NCKAP5: variants seen among roughly 807,000 people sequenced by gnomAD.
NCKAP5 encodes nck-associated protein 5.
Under a neutral mutation model 167.0 loss-of-function variants are expected in NCKAP5, and 92 were observed. The ratio of observed to expected loss-of-function variants is 0.55; its 90% CI spans 0.47 to 0.66. The LOEUF (loss-of-function observed/expected upper bound fraction) is 0.66, where lower values mean the gene tolerates loss of function less well. Ranked by LOEUF, NCKAP5 falls within the 30% of genes least tolerant of loss-of-function variation. The pLI, the probability that NCKAP5 is intolerant of heterozygous loss-of-function variation, is 0.00. For synonymous variants in NCKAP5, 891 were observed against 877.4 expected (o/e 1.02, Z -0.27); for missense variants, 2,378 against 2,315.0 (o/e 1.03, Z -0.56).
At chr2:132,947,809 G>A (rs1024298171) in intron 8 of NCKAP5, among the ~76,000 whole-genome samples, 1 of 152,150 alleles carries the variant, frequency 6.6e-6, no homozygotes, top group African/African-American at 2.4e-5. Context: ...TTTCACGATA[G>A]AGCATTCCTT....
At chr2:133,352,008 C>T (rs549679743) in intron 3 of NCKAP5, among the ~76,000 whole-genome samples, 1 of 152,202 alleles carries the variant, frequency 6.6e-6, no homozygotes, top group African/African-American at 2.4e-5. Context: ...CAAGGTTTTC[C>T]ATTTTCTATG....
At chr2:132,826,457 T>C (rs1687130768) in intron 11 of NCKAP5, among the ~76,000 whole-genome samples, 1 of 152,184 alleles carries the variant, frequency 6.6e-6, no homozygotes, top group Non-Finnish European at 1.5e-5. Context: ...CATTATTTAA[T>C]TCCCCAGTAT....
intron 3 of NCKAP5, among the ~76,000 whole-genome samples, chr2:133,444,194 G>T (rs1415466970): frequency 6.6e-6 from 1 of 152,144 alleles, no homozygotes; most frequent in Non-Finnish European, 1.5e-5. Context: ...AAGCCCAAAA[G>T]AAGGAAGGAC....
At chr2:133,321,242 C>T (rs928059044) in intron 3 of NCKAP5, among the ~76,000 whole-genome samples, 2 of 152,178 alleles carry the variant, frequency 1.3e-5, no homozygotes, top group African/African-American at 4.8e-5. Flanking sequence ...CCCATCCCAC[C>T]CTCACCCAAT....
intron 8 of NCKAP5, among the ~76,000 whole-genome samples, chr2:132,909,292 A>C (rs558120696): frequency 6.6e-6 from 1 of 152,162 alleles, no homozygotes; most frequent in South Asian, 2.1e-4. Context: ...GTTGCTGTGA[A>C]CTGAGATGGC....
chr2:133,080,664 C>G (rs1559119354), intron 6 of NCKAP5, among the ~76,000 whole-genome samples: 2 of 152,256 alleles, frequency 1.3e-5, no homozygotes, highest in South Asian at 2.1e-4. Context: ...GAAACTAACA[C>G]TACACCATAA....
At chr2:133,242,849 A>T (rs1212496387) in intron 4 of NCKAP5, among the ~76,000 whole-genome samples, 1 of 152,204 alleles carries the variant, frequency 6.6e-6, no homozygotes, top group East Asian at 1.9e-4. Flanking sequence ...GTTTTTTTAT[A>T]GTAGGCCTAC....
chr2:132,776,886 T>C (rs745857795), intron 15 of NCKAP5, among the ~76,000 whole-genome samples: 29 of 152,106 alleles, frequency 1.9e-4, no homozygotes, highest in Non-Finnish European at 1.0e-4. Flanking sequence ...GTCAAGCATT[T>C]GCCAAAAATA....
At chr2:132,925,891 A>G (rs1203153281) in intron 8 of NCKAP5, among the ~76,000 whole-genome samples, 1 of 152,206 alleles carries the variant, frequency 6.6e-6, no homozygotes, top group East Asian at 1.9e-4. Context: ...AATCTTTTCT[A>G]AAAAATTTTA....
intron 10 of NCKAP5, among the ~76,000 whole-genome samples, chr2:132,866,518 G>C (rs1690369036): frequency 6.6e-6 from 1 of 152,080 alleles, no homozygotes; most frequent in Non-Finnish European, 1.5e-5. Flanking sequence ...TAAATTACTT[G>C]ACGAGGTACA....
At chr2:133,468,003 T>C (rs1692733375) in intron 3 of NCKAP5, among the ~76,000 whole-genome samples, 1 of 113,018 alleles carries the variant, frequency 8.8e-6, no homozygotes, top group Non-Finnish European at 1.8e-5. Flanking sequence ...TTTGTGTCTC[T>C]ATTTCCTTCA....
At chr2:133,548,511 C>A (rs1419720258) in intron 2 of NCKAP5, among the ~76,000 whole-genome samples, 21 of 151,706 alleles carry the variant, frequency 1.4e-4, no homozygotes, top group Admixed American at 1.3e-4. Context: ...GGAAGCCCAT[C>A]AGACTAACAG....
At chr2:133,044,344 A>C (rs532467246) in intron 6 of NCKAP5, among the ~76,000 whole-genome samples, 4 of 152,298 alleles carry the variant, frequency 2.6e-5, no homozygotes, top group African/African-American at 9.6e-5. Context: ...CAATGCATAT[A>C]ACCAAAAAAG....
chr2:132,720,948 T>C (rs967282533), intron 19 of NCKAP5, among the ~76,000 whole-genome samples: 18 of 151,648 alleles, frequency 1.2e-4, no homozygotes, highest in Non-Finnish European at 2.5e-4. Context: ...GAGGTGGAAG[T>C]TGCAGTGAGC....
At chr2:133,578,982 G>T in the NCKAP5 span, among the ~76,000 whole-genome samples, 3 of 152,210 alleles carry the variant, frequency 2.0e-5, no homozygotes, top group African/African-American at 7.2e-5. Flanking sequence ...TTAAAGCAGA[G>T]CAGAGTAGCA....
At chr2:133,609,775 T>C in the NCKAP5 span, among the ~76,000 whole-genome samples, 1 of 152,190 alleles carries the variant, frequency 6.6e-6, no homozygotes, top group African/African-American at 2.4e-5. Context: ...GCTGTAGAGA[T>C]ATAATAAGTA....
At chr2:133,047,306 G>A (rs1355347593) in intron 6 of NCKAP5, among the ~76,000 whole-genome samples, 1 of 152,128 alleles carries the variant, frequency 6.6e-6, no homozygotes, top group Non-Finnish European at 1.5e-5. Flanking sequence ...CCCTGGGCTC[G>A]ACCCCACAGA....
At chr2:133,579,592 C>T in the NCKAP5 span, among the ~76,000 whole-genome samples, 2 of 152,066 alleles carry the variant, frequency 1.3e-5, no homozygotes, top group Non-Finnish European at 2.9e-5. Flanking sequence ...AAGTAGGTGT[C>T]CCTGGATAGA....
rs139253308 is a variant in NCKAP5 at position 133,511,164 on chromosome 2, G to A, written c.69+6294C>T. Among the ~76,000 whole-genome samples the A allele has an allele frequency of 2.6e-3, 391 of 152,196 alleles. 13 individuals are homozygous for A. The highest frequency in any genetic ancestry group is 0.024 in the Admixed American group (367 of 15,286). ...CACTGCTTGGACCTAGTCTACTTCC[G>A]TCCTCCATTCAGACTGTCCCCAGCA... On this transcript the variant is annotated intron_variant, in intron 3 of 19. Coordinates refer to ENST00000409261, the MANE Select transcript of NCKAP5 (RefSeq NM_207363.3).
Sources: gnomAD v4.1 joint callset for allele counts (sites outside exome capture counted in the v4.1 genomes callset) on GRCh38, gnomAD v4.1.1 for gene constraint, MANE v1.5 for transcripts, NCBI Gene and HGNC (gene_info 2026-07-23, HGNC 2026-07-21) for gene names.